Variants in IQSEC1 observed in about 807,000 individuals in gnomAD.
IQSEC1 encodes the protein IQ motif and Sec7 domain ArfGEF 1.
A neutral mutation model predicts 91.0 loss-of-function variants in IQSEC1; 31 were observed. The ratio of observed to expected loss-of-function variants is 0.34; its 90% confidence interval spans 0.26 to 0.46. The LOEUF (loss-of-function observed/expected upper bound fraction) is 0.46. Among genes scored for constraint, IQSEC1 ranks in the 20% least tolerant of loss-of-function variants. The pLI is 1.00. For synonymous variants in IQSEC1, 699 were observed against 662.6 expected (o/e 1.05, Z -0.84); for missense variants, 1,388 against 1,575.6 (o/e 0.88, Z 2.02).
At position 12,909,218 on chromosome 3, in the gene IQSEC1, C is replaced by A; in HGVS notation, c.2578+55G>T. 1 of 1,573,816 alleles carries A rather than the reference C, an allele frequency of 6.4e-7. No homozygotes were observed. Among genetic ancestry groups the A allele is most frequent in the Non-Finnish European group, 8.7e-7 (1 of 1,148,902 alleles). ...AAGTCACTGCCCTGACATGGGGAGG[C>A]AAGTGCCAGAGTCTGGCAAGTCTCG... On this transcript the variant is annotated intron_variant, in intron 11 of 13. Coordinates refer to ENST00000613206, the MANE Select transcript of IQSEC1 (RefSeq NM_001134382.3). This position sits in a 1 kb window ranked among gnomAD's most constrained non-coding sequence, Gnocchi z 4.9.
chr3:13,259,288 G>A lies in IQSEC1; in HGVS notation c.272+23423C>T, dbSNP rs138516841. 3.3e-5 allele frequency among the ~76,000 whole-genome samples: 5 copies of A among 152,304 alleles called. No individual in the cohort carries two copies. The East Asian group carries it at 9.6e-4, about 29-fold the overall frequency. On this transcript the variant is annotated intron_variant, in intron 1 of 15. Coordinates refer to the IQSEC1 transcript ENST00000648114. This position sits in a 1 kb window ranked among gnomAD's most constrained non-coding sequence, Gnocchi z 4.6. ...GATGGGTGTTCTAATGAATGAAGAAGCCCACAATGCACTGCACAGATGTTA... is the reference window on the plus strand; with the variant it reads ...GATGGGTGTTCTAATGAATGAAGAAACCCACAATGCACTGCACAGATGTTA...
rs1004591233 is a variant in IQSEC1, at chr3:12,922,666, G to A, written c.1731-424C>T. Among the ~76,000 whole-genome samples the A allele has an allele frequency of 6.6e-6, 1 of 152,178 alleles. No individual in the cohort carries two copies. The highest frequency in any genetic ancestry group is 1.9e-4 in the East Asian group (1 of 5,176). On this transcript the variant is annotated intron_variant, in intron 4 of 13. Transcript: ENST00000613206. This position sits in a 1 kb window ranked among gnomAD's most constrained non-coding sequence, Gnocchi z 5.1. ...CACAGTGAGGAAAGGGGCGCCCAGG[G>A]TGTTGACTTTCAGAATAAGCCTGTT...
At chr3:12,964,794 A>G (rs1180780942) in intron 1 of IQSEC1, among the ~76,000 whole-genome samples, 1 of 152,168 alleles carries the variant, frequency 6.6e-6, no homozygotes, top group Non-Finnish European at 1.5e-5. Flanking sequence ...CAGTATGCAG[A>G]GTCCAGACAG....
At chr3:13,001,868 G>A (rs545978781) in intron 1 of IQSEC1, among the ~76,000 whole-genome samples, 2 of 152,284 alleles carry the variant, frequency 1.3e-5, no homozygotes, top group Admixed American at 6.5e-5. Flanking sequence ...AGACCAGTCT[G>A]GCCAACAAGG....
chr3:12,900,970 CT>C lies in IQSEC1; in HGVS notation c.*12del, dbSNP rs1694200787. On this transcript the variant is annotated 3_prime_UTR_variant, in exon 14 of 14. Coordinates refer to ENST00000613206, the MANE Select transcript of IQSEC1 (RefSeq NM_001134382.3). ...AGGTGTTTCAGGGAGCCTGGGACCC[CT>C]ACCCAGGCTGTCTACACAATTGTGC... The C allele has an allele frequency of 1.3e-6, 2 of 1,542,566 alleles. No individual in the cohort carries two copies. Among genetic ancestry groups the C allele is most frequent in the Non-Finnish European group, 1.7e-6 (2 of 1,146,760 alleles).
intron 1 of IQSEC1, among the ~76,000 whole-genome samples, chr3:13,226,106 C>T (rs1186868567): frequency 6.6e-6 from 1 of 152,066 alleles, no homozygotes; most frequent in Non-Finnish European, 1.5e-5. Flanking sequence ...CTCGAACTCC[C>T]GACCTCAGGT....
intron 1 of IQSEC1, among the ~76,000 whole-genome samples, chr3:13,052,143 T>C (rs1704713608): frequency 1.3e-5 from 2 of 152,218 alleles, no homozygotes; most frequent in Admixed American, 1.3e-4. Flanking sequence ...GCCAGCATGA[T>C]GATACAGCAC....
chr3:13,127,442 CAAAA>C (rs879741910), intron 2 of IQSEC1, among the ~76,000 whole-genome samples: 44 of 128,686 alleles, frequency 3.4e-4, no homozygotes, highest in African/African-American at 4.3e-4. Context: ...AACAAACAAA[CAAAA>C]AAAAAAAAAC....
At position 13,227,723 on chromosome 3, in the gene IQSEC1, G is replaced by A. The variant is rs527855642; in HGVS notation, c.272+54988C>T. On this transcript the variant is annotated intron_variant, in intron 1 of 15. Transcript: ENST00000648114. ...ATAGAGGGCTGGAGGGGCAGATTCC[G>A]AAGGGGTCCACCGTCATTCACTAGT... Among the ~76,000 whole-genome samples, 136 of 152,258 alleles carry A rather than the reference G, an allele frequency of 8.9e-4. 1 individual carries two copies. Among genetic ancestry groups the A allele is most frequent in the African/African-American group, 3.1e-3 (127 of 41,530 alleles).
intron 1 of IQSEC1, among the ~76,000 whole-genome samples, chr3:12,973,903 T>A (rs1182207400): frequency 6.6e-6 from 1 of 152,106 alleles, no homozygotes; most frequent in Admixed American, 6.5e-5. Context: ...TTATCTGGCT[T>A]CCTTTCCCCA....
chr3:13,150,743 G>A (rs1706982412), intron 2 of IQSEC1, among the ~76,000 whole-genome samples: 1 of 152,220 alleles, frequency 6.6e-6, no homozygotes, highest in South Asian at 2.1e-4. Context: ...CGGGAGGGCT[G>A]AAAATCACAC....
chr3:13,282,776 G>A lies in IQSEC1; in HGVS notation c.207C>T (p.Asp69=), dbSNP rs1368816659. 6.7e-5 allele frequency among the ~76,000 whole-genome samples: 10 copies of A among 148,414 alleles called. No homozygotes were observed. The highest frequency in any genetic ancestry group is 1.4e-4 in the Non-Finnish European group (9 of 66,604). Residue 69 remains aspartate, a synonymous_variant, in exon 1 of 16, where the codon GAC becomes GAT. Coordinates refer to the IQSEC1 transcript ENST00000648114. The surrounding 1 kb of genome is among the most constrained non-coding windows in gnomAD (Gnocchi z 6.4). Reference sequence around the variant, plus strand: ...GCTGCGGGCCGGGGCCGGGGCCCGGGTCGGGGCGGCGGGCGCACGCGGCCA... The same window carrying A: ...GCTGCGGGCCGGGGCCGGGGCCCGGATCGGGGCGGCGGGCGCACGCGGCCA...
At chr3:13,273,286 T>C (rs1252416845) in intron 1 of IQSEC1, among the ~76,000 whole-genome samples, 1 of 152,156 alleles carries the variant, frequency 6.6e-6, no homozygotes, top group African/African-American at 2.4e-5. Context: ...CTAGAAGTCC[T>C]GGCCAGCCCA....
chr3:13,007,695 T>TTGC (rs1702697663), intron 1 of IQSEC1, among the ~76,000 whole-genome samples: 1 of 152,236 alleles, frequency 6.6e-6, no homozygotes, highest in South Asian at 2.1e-4. Flanking sequence ...CCCGTTTTCT[T>TTGC]TGCTGCTGCT....
At chr3:12,915,531 C>T in intron 7 of IQSEC1, 63 bp downstream of exon 7, 8 of 1,571,930 alleles carry the variant, frequency 5.1e-6, no homozygotes, top group Non-Finnish European at 7.0e-6. Context: ...AGTGAGAAGG[C>T]CTGGCAGGCA....
chr3:12,902,910 C>T, intron 12 of IQSEC1, 88 bp from the exon 13 acceptor site: 1 of 988,734 alleles, frequency 1.0e-6, no homozygotes. Context: ...GCCACGGAGC[C>T]TGCACCCCTG....
intron 1 of IQSEC1, among the ~76,000 whole-genome samples, chr3:13,063,684 C>T (rs1400365727): frequency 6.6e-6 from 1 of 152,254 alleles, no homozygotes; most frequent in African/African-American, 2.4e-5. Context: ...AAACTCAGAA[C>T]CCCTGGGGGC....
At chr3:13,140,698 T>C (rs1346203886) in intron 2 of IQSEC1, among the ~76,000 whole-genome samples, 2 of 152,144 alleles carry the variant, frequency 1.3e-5, no homozygotes, top group Non-Finnish European at 2.9e-5. Context: ...CAGGGAGCAA[T>C]GCTGAGTGAC....
intron 1 of IQSEC1, among the ~76,000 whole-genome samples, chr3:12,990,923 C>T (rs549207248): frequency 2.0e-5 from 3 of 152,324 alleles, no homozygotes; most frequent in East Asian, 3.9e-4. Flanking sequence ...GAAAAAAATG[C>T]TCGCTGGGTT....
Sources: gnomAD v4.1 joint callset for allele counts (sites outside exome capture counted in the v4.1 genomes callset) on GRCh38, gnomAD v4.1.1 for gene constraint, Gnocchi (gnomAD v3.1) non-coding constraint, MANE v1.5 for transcripts, NCBI Gene and HGNC (gene_info 2026-07-23, HGNC 2026-07-21) for gene names.